Variants in GULP1 observed in about 807,000 individuals in gnomAD.
GULP1 encodes GULP PTB domain containing engulfment adaptor 1.
GULP1 carries 19 observed loss-of-function variants against 40.9 expected under a neutral mutation model. The ratio of observed to expected loss-of-function variants is 0.46; its 90% confidence interval spans 0.32 to 0.68. GULP1 has a LOEUF of 0.68. Among genes scored for constraint, GULP1 ranks in the 30% least tolerant of loss-of-function variants. GULP1 has a pLI of 0.03. For synonymous variants in GULP1, 119 were observed against 117.6 expected (o/e 1.01, Z -0.08); for missense variants, 312 against 362.2 (o/e 0.86, Z 1.12).
At chr2:188,399,714 A>AAAAAAAAC (rs1553540229) in intron 2 of GULP1, among the ~76,000 whole-genome samples, 84 of 131,092 alleles carry the variant, frequency 6.4e-4, no homozygotes, top group East Asian at 1.5e-3. Context: ...AAAAAAAAAA[A>AAAAAAAAC]CATCAAACTG....
At chr2:188,558,391 C>A (rs1056001052) in intron 7 of GULP1, among the ~76,000 whole-genome samples, 1 of 152,278 alleles carries the variant, frequency 6.6e-6, no homozygotes, top group South Asian at 2.1e-4. Context: ...GTAAGAAGTG[C>A]TTTTCGCCTC....
chr2:188,533,604 T>TG (rs1688121640), intron 6 of GULP1, among the ~76,000 whole-genome samples: 1 of 152,066 alleles, frequency 6.6e-6, no homozygotes, highest in Admixed American at 6.5e-5. Context: ...CAAAAGCAAT[T>TG]GCAACAAAAA....
chr2:188,586,685 T>A (rs1702440415), intron 10 of GULP1, among the ~76,000 whole-genome samples: 2 of 152,110 alleles, frequency 1.3e-5, no homozygotes, highest in African/African-American at 4.8e-5. Flanking sequence ...TTATATGTTC[T>A]CCTTATTTAT....
At chr2:188,437,080 T>C (rs1186398256) in intron 2 of GULP1, among the ~76,000 whole-genome samples, 3 of 152,136 alleles carry the variant, frequency 2.0e-5, no homozygotes, top group Non-Finnish European at 4.4e-5. Flanking sequence ...TTGTTTTTAG[T>C]ATGTGAAAAC....
At chr2:188,326,408 A>C (rs1319223651) in intron 1 of GULP1, among the ~76,000 whole-genome samples, 1 of 152,142 alleles carries the variant, frequency 6.6e-6, no homozygotes, top group Admixed American at 6.6e-5. Flanking sequence ...AGAGGATTAA[A>C]ATAGTTTGCC....
At chr2:188,568,443 A>G (rs1698297413) in intron 7 of GULP1, among the ~76,000 whole-genome samples, 2 of 152,208 alleles carry the variant, frequency 1.3e-5, no homozygotes, top group Non-Finnish European at 1.5e-5. Context: ...AATGGAGAAG[A>G]AATGAGCTTG....
intron 11 of GULP1, chr2:188,590,996 A>C (rs904287627): frequency 1.3e-5 from 2 of 152,128 alleles, no homozygotes; most frequent in Non-Finnish European, 2.9e-5. Context: ...AAATTTTATA[A>C]GGAAAAGAAA....
At chr2:188,319,035 TA>T (rs2106546607) in intron 1 of GULP1, among the ~76,000 whole-genome samples, 1 of 151,794 alleles carries the variant, frequency 6.6e-6, no homozygotes, top group African/African-American at 2.4e-5. Flanking sequence ...TAAACATTTT[TA>T]AATCTGTGGA....
At chr2:188,425,847 T>C (rs1559227080) in intron 2 of GULP1, among the ~76,000 whole-genome samples, 1 of 152,200 alleles carries the variant, frequency 6.6e-6, no homozygotes, top group Non-Finnish European at 1.5e-5. Flanking sequence ...AGCTCCTGTC[T>C]CAATGCTTAT....
At chr2:188,470,481 T>C (rs768745352) in intron 2 of GULP1, among the ~76,000 whole-genome samples, 2 of 152,142 alleles carry the variant, frequency 1.3e-5, no homozygotes, top group African/African-American at 4.8e-5. Flanking sequence ...CTTGTTTTCC[T>C]AATTTTTAAG....
At chr2:188,366,592 T>C (rs980257013) in intron 1 of GULP1, among the ~76,000 whole-genome samples, 7 of 141,734 alleles carry the variant, frequency 4.9e-5, no homozygotes, top group African/African-American at 1.3e-4. Flanking sequence ...TACTTTCTTT[T>C]TTTTTTTTTT....
intron 9 of GULP1, among the ~76,000 whole-genome samples, chr2:188,570,939 T>G (rs1245700120): frequency 1.3e-5 from 2 of 152,044 alleles, no homozygotes; most frequent in Non-Finnish European, 2.9e-5. Context: ...AGGCAGATCA[T>G]TTGAGCCCAG....
chr2:188,438,241 C>A (rs1312215150), intron 2 of GULP1, among the ~76,000 whole-genome samples: 1 of 151,938 alleles, frequency 6.6e-6, no homozygotes. Context: ...ATTTCAGCCC[C>A]CAACTTGCAC....
chr2:188,345,444 A>G (rs557422541), intron 1 of GULP1, among the ~76,000 whole-genome samples: 1 of 152,168 alleles, frequency 6.6e-6, no homozygotes, highest in African/African-American at 2.4e-5. Flanking sequence ...GATAGAATGT[A>G]CCCAGGAAGA....
At chr2:188,591,676 A>T (rs1312127289) in intron 11 of GULP1, 1 of 151,748 alleles carries the variant, frequency 6.6e-6, no homozygotes, top group Admixed American at 6.6e-5. Context: ...TATATGTAAT[A>T]TATTACTTAC....
At chr2:188,334,644 A>G (rs572161084) in intron 1 of GULP1, among the ~76,000 whole-genome samples, 1 of 152,374 alleles carries the variant, frequency 6.6e-6, no homozygotes, top group East Asian at 1.9e-4. Flanking sequence ...TGTATCAGGT[A>G]GAAATCCAGA....
chr2:188,544,572 A>AAAAT (rs1490515021), intron 7 of GULP1, among the ~76,000 whole-genome samples: 1 of 151,780 alleles, frequency 6.6e-6, no homozygotes. Flanking sequence ...AGAATACTGA[A>AAAAT]AAATAAAGTA....
At chr2:188,443,961 T>TC (rs1277692861) in intron 2 of GULP1, among the ~76,000 whole-genome samples, 1 of 152,180 alleles carries the variant, frequency 6.6e-6, no homozygotes, top group African/African-American at 2.4e-5. Context: ...CCTTTTTTTT[T>TC]CCATTCCAAA....
chr2:188,359,977 A>C (rs2045883742), intron 1 of GULP1, among the ~76,000 whole-genome samples: 1 of 152,066 alleles, frequency 6.6e-6, no homozygotes, highest in Non-Finnish European at 1.5e-5. Flanking sequence ...AGAGGTTTTC[A>C]GTGTTTGTTT....
Sources: allele counts gnomAD v4.1 joint callset (sites outside exome capture counted in the v4.1 genomes callset), GRCh38; gene constraint gnomAD v4.1.1; transcripts MANE v1.5; gene names NCBI Gene and HGNC (gene_info 2026-07-23, HGNC 2026-07-21).